SLC35F1: variants seen among roughly 807,000 people sequenced by gnomAD.
SLC35F1 encodes chromosome 6 open reading frame 169.
In SLC35F1, 14 loss-of-function variants were observed where a neutral mutation model predicts 48.7. That is an observed-to-expected ratio of 0.29 (90% confidence interval 0.19 to 0.45). The LOEUF (loss-of-function observed/expected upper bound fraction) is 0.45, where lower values mean the gene tolerates loss of function less well. Among genes scored for constraint, SLC35F1 ranks in the 20% least tolerant of loss-of-function variants. The probability of loss-of-function intolerance (pLI) is 1.00; values close to 1 mark genes in which losing one functional copy is unlikely to be tolerated. For synonymous variants in SLC35F1, 190 were observed against 202.2 expected (o/e 0.94, Z 0.51); for missense variants, 404 against 500.0 (o/e 0.81, Z 1.83).
chr6:118,091,764 G>C (rs1036287122), intron 1 of SLC35F1, among the ~76,000 whole-genome samples: 1 of 152,172 alleles, frequency 6.6e-6, no homozygotes, highest in Non-Finnish European at 1.5e-5. Flanking sequence ...GGAAAGTTTG[G>C]AACTTCCTAG....
intron 1 of SLC35F1, among the ~76,000 whole-genome samples, chr6:117,981,085 A>C (rs780597259): frequency 3.9e-5 from 6 of 152,208 alleles, no homozygotes; most frequent in Non-Finnish European, 7.3e-5. Context: ...GTAGGGCAAA[A>C]GGAGATTCCC....
At chr6:118,085,250 G>T (rs1434938493) in intron 1 of SLC35F1, among the ~76,000 whole-genome samples, 1 of 152,098 alleles carries the variant, frequency 6.6e-6, no homozygotes, top group East Asian at 1.9e-4. Context: ...TCCTCAACAA[G>T]GCTGTTGCTA....
intron 1 of SLC35F1, among the ~76,000 whole-genome samples, chr6:118,019,324 T>G (rs1777361506): frequency 6.6e-6 from 1 of 152,164 alleles, no homozygotes; most frequent in Admixed American, 6.5e-5. Flanking sequence ...GTTTATGGTG[T>G]GGCCATTTGA....
intron 1 of SLC35F1, among the ~76,000 whole-genome samples, chr6:117,997,287 T>C (rs993255819): frequency 3.9e-5 from 6 of 152,152 alleles, no homozygotes; most frequent in Admixed American, 3.9e-4. Context: ...AAAGATCAAA[T>C]CTACGTCTGA....
intron 1 of SLC35F1, among the ~76,000 whole-genome samples, chr6:118,139,920 T>C (rs951365964): frequency 6.6e-6 from 1 of 152,190 alleles, no homozygotes; most frequent in African/African-American, 2.4e-5. Context: ...GAAAATATAC[T>C]TTAGCACAAA....
chr6:118,042,377 A>G (rs1409272647), intron 1 of SLC35F1, among the ~76,000 whole-genome samples: 1 of 152,176 alleles, frequency 6.6e-6, no homozygotes, highest in Non-Finnish European at 1.5e-5. Context: ...GCATGAAACA[A>G]CTAACTCTAC....
Position 117,954,923 on chromosome 6 carries a change from C to T in SLC35F1, c.173+47024C>T, listed in dbSNP as rs187122090. On this transcript the variant is annotated intron_variant, in intron 1 of 7. Coordinates refer to ENST00000360388, the MANE Select transcript of SLC35F1 (RefSeq NM_001029858.4). ...TCAGTATAAAATTTGGAATGTTAAG[C>T]ATATTCTCTTGTAATTCTTTGAAAA... Among the ~76,000 whole-genome samples, 414 of 152,288 alleles carry T rather than the reference C, an allele frequency of 2.7e-3. 2 individuals are homozygous for T. Among genetic ancestry groups the T allele is most frequent in the Non-Finnish European group, 3.9e-3 (265 of 68,024 alleles).
At chr6:118,011,870 G>T (rs145089189) in intron 1 of SLC35F1, among the ~76,000 whole-genome samples, 4 of 152,224 alleles carry the variant, frequency 2.6e-5, no homozygotes, top group Non-Finnish European at 5.9e-5. Flanking sequence ...CTAATATTGA[G>T]ACAGAAGCAC....
chr6:118,128,820 T>A (rs11753324), intron 1 of SLC35F1, among the ~76,000 whole-genome samples: 51,473 of 151,240 alleles, frequency 0.34, 9,565 homozygotes, highest in Non-Finnish European at 0.43. Context: ...ATAATAAAAA[T>A]AAATAAATAA....
At chr6:118,102,160 A>G (rs553807980) in intron 1 of SLC35F1, among the ~76,000 whole-genome samples, 9 of 152,200 alleles carry the variant, frequency 5.9e-5, no homozygotes, top group African/African-American at 2.2e-4. Context: ...ACACAATAAC[A>G]ATGTACAGGA....
intron 2 of SLC35F1, among the ~76,000 whole-genome samples, chr6:118,221,417 T>C (rs1291366540): frequency 2.0e-5 from 3 of 152,150 alleles, no homozygotes; most frequent in African/African-American, 7.2e-5. Context: ...TTGCCAAGTA[T>C]TCCTCCTGAC....
intron 1 of SLC35F1, among the ~76,000 whole-genome samples, chr6:117,949,291 G>A (rs1430696601): frequency 1.3e-5 from 2 of 152,134 alleles, no homozygotes; most frequent in Non-Finnish European, 2.9e-5. Context: ...TGCTGACAAT[G>A]TTAGTTCATT....
intron 1 of SLC35F1, among the ~76,000 whole-genome samples, chr6:118,053,810 C>T (rs969845203): frequency 2.6e-5 from 4 of 151,940 alleles, no homozygotes; most frequent in South Asian, 2.1e-4. Context: ...TATTTTTATG[C>T]CTGAGAGATT....
At chr6:117,966,223 C>T (rs570444793) in intron 1 of SLC35F1, among the ~76,000 whole-genome samples, 23 of 146,102 alleles carry the variant, frequency 1.6e-4, no homozygotes, top group East Asian at 8.3e-4. Context: ...TTTCGCACTT[C>T]GCAATAAATC....
At chr6:118,245,292 C>T (rs1234530983) in intron 3 of SLC35F1, among the ~76,000 whole-genome samples, 1 of 152,196 alleles carries the variant, frequency 6.6e-6, no homozygotes, top group Non-Finnish European at 1.5e-5. Flanking sequence ...TTTAAAAACT[C>T]TCTTTGGATA....
intron 1 of SLC35F1, among the ~76,000 whole-genome samples, chr6:118,071,214 C>T (rs1346419994): frequency 6.9e-6 from 1 of 144,864 alleles, no homozygotes; most frequent in Non-Finnish European, 1.5e-5. Context: ...TATATATATA[C>T]TATGTGTATA....
chr6:118,086,118 A>G (rs1056960325), intron 1 of SLC35F1, among the ~76,000 whole-genome samples: 1 of 152,154 alleles, frequency 6.6e-6, no homozygotes, highest in Non-Finnish European at 1.5e-5. Flanking sequence ...CAAATGACAA[A>G]TATTTTCCTT....
At chr6:117,949,046 A>C (rs1417424068) in intron 1 of SLC35F1, among the ~76,000 whole-genome samples, 1 of 152,192 alleles carries the variant, frequency 6.6e-6, no homozygotes, top group Admixed American at 6.5e-5. Flanking sequence ...GGTGCTATTC[A>C]TAATGCTTTT....
intron 2 of SLC35F1, among the ~76,000 whole-genome samples, chr6:118,230,754 C>T (rs146385100): frequency 4.3e-4 from 66 of 152,180 alleles, no homozygotes; most frequent in Middle Eastern, 6.8e-3. Flanking sequence ...AAGGCCAAGG[C>T]GGGTGGATTC....
Sources: gnomAD v4.1 joint callset for allele counts (sites outside exome capture counted in the v4.1 genomes callset) on GRCh38, gnomAD v4.1.1 for gene constraint, MANE v1.5 for transcripts, NCBI Gene and HGNC (gene_info 2026-07-23, HGNC 2026-07-21) for gene names.